PRKCA: variants seen among roughly 807,000 people sequenced by gnomAD.
PRKCA encodes protein kinase C alpha.
A neutral mutation model predicts 87.0 loss-of-function variants in PRKCA; 27 were observed. The observed-to-expected ratio is 0.31, with a 90% CI of 0.23 to 0.43. PRKCA has a LOEUF of 0.43. Ranked by LOEUF, PRKCA falls within the 20% of genes least tolerant of loss-of-function variation. The pLI, the probability that PRKCA is intolerant of heterozygous loss-of-function variation, is 1.00. For missense variants in PRKCA, 518 were observed against 852.3 expected (o/e 0.61, Z 4.88); for synonymous variants, 329 against 311.1 (o/e 1.06, Z -0.61).
intron 2 of PRKCA, among the ~76,000 whole-genome samples, chr17:66,335,506 C>A (rs1906605827): frequency 6.6e-6 from 1 of 151,236 alleles, no homozygotes; most frequent in South Asian, 2.1e-4. Flanking sequence ...ATGATGATTG[C>A]AGAATGGTGT....
At chr17:66,765,454 A>ATATATATATCTATATATATC (rs1218360664) in intron 13 of PRKCA, among the ~76,000 whole-genome samples, 13 of 130,068 alleles carry the variant, frequency 1.0e-4, no homozygotes, top group African/African-American at 3.5e-4. Context: ...ATATATATAT[A>ATATATATATCTATATATATC]TCCATATATA....
chr17:66,574,922 C>T (rs1455691961), intron 3 of PRKCA, among the ~76,000 whole-genome samples: 1 of 152,154 alleles, frequency 6.6e-6, no homozygotes, highest in African/African-American at 2.4e-5. Context: ...TGAATGGGGT[C>T]TCTCCCTCTC....
intron 2 of PRKCA, among the ~76,000 whole-genome samples, chr17:66,348,703 A>G (rs1230343155): frequency 6.6e-6 from 1 of 152,198 alleles, no homozygotes; most frequent in African/African-American, 2.4e-5. Context: ...TTGTGTTAAG[A>G]TGGGTTTGCA....
chr17:66,545,747 A>G (rs774303456), intron 3 of PRKCA, among the ~76,000 whole-genome samples: 8 of 152,246 alleles, frequency 5.3e-5, no homozygotes, highest in Non-Finnish European at 1.2e-4. Flanking sequence ...AAATCTGATC[A>G]TTATAGAAAT....
intron 13 of PRKCA, among the ~76,000 whole-genome samples, chr17:66,752,116 A>G (rs1974444769): frequency 6.6e-6 from 1 of 152,190 alleles, no homozygotes; most frequent in Middle Eastern, 3.2e-3. Flanking sequence ...TTGGGGTGAC[A>G]TCTGTATAAT....
chr17:66,612,311 A>T (rs919409171), intron 3 of PRKCA, among the ~76,000 whole-genome samples: 7 of 142,474 alleles, frequency 4.9e-5, no homozygotes, highest in Non-Finnish European at 1.1e-4. Flanking sequence ...AACCCAGGAG[A>T]TGGAGGTTGC....
At chr17:66,584,738 C>G (rs1969542038) in intron 3 of PRKCA, among the ~76,000 whole-genome samples, 1 of 152,152 alleles carries the variant, frequency 6.6e-6, no homozygotes. Flanking sequence ...GCCTTCTTCC[C>G]TTTGGCTCTG....
rs199690763 is a variant in PRKCA, at chr17:66,343,980, G to GA, written c.205+37863dup. Among the ~76,000 whole-genome samples the GA allele has an allele frequency of 1.3e-4, 20 of 149,278 alleles. No homozygotes were observed. The South Asian group carries it at 1.9e-3, about 14-fold the overall frequency. On this transcript the variant is annotated intron_variant, in intron 2 of 16. Coordinates refer to ENST00000413366, the MANE Select transcript of PRKCA (RefSeq NM_002737.3). The stretch of plus-strand genomic sequence containing the variant: ...GGCCCCATCCCTCCCTAACTTAGAG[G>GA]AAAAAAAAAATTGTCAGCAGCATTT...
At chr17:66,626,941 G>A (rs1257183946) in intron 3 of PRKCA, among the ~76,000 whole-genome samples, 1 of 152,134 alleles carries the variant, frequency 6.6e-6, no homozygotes. Flanking sequence ...CCACAGAAAT[G>A]CACTTAAATG....
intron 2 of PRKCA, among the ~76,000 whole-genome samples, chr17:66,409,792 G>A (rs761758797): frequency 1.3e-5 from 2 of 152,174 alleles, no homozygotes; most frequent in Non-Finnish European, 2.9e-5. Flanking sequence ...TTAGCCAGAC[G>A]TGGTGGCAGG....
At chr17:66,682,716 T>C (rs531279353) in intron 5 of PRKCA, among the ~76,000 whole-genome samples, 9 of 152,252 alleles carry the variant, frequency 5.9e-5, no homozygotes, top group Non-Finnish European at 1.3e-4. Flanking sequence ...TTTGTTGTTG[T>C]TGTTGTTGTT....
At chr17:66,520,491 C>A (rs1967126905) in intron 3 of PRKCA, among the ~76,000 whole-genome samples, 1 of 152,018 alleles carries the variant, frequency 6.6e-6, no homozygotes, top group South Asian at 2.1e-4. Context: ...TCTCAAAACT[C>A]CTGGCCTCAA....
At chr17:66,639,437 G>C (rs953393533) in intron 3 of PRKCA, 1 of 152,134 alleles carries the variant, frequency 6.6e-6, no homozygotes. Context: ...GCCCAGGCTG[G>C]CGTGCAGTGG....
chr17:66,497,269 G>A (rs1047817386), intron 3 of PRKCA, among the ~76,000 whole-genome samples: 5 of 152,164 alleles, frequency 3.3e-5, no homozygotes, highest in African/African-American at 9.6e-5. Context: ...AGGCTGAGGC[G>A]GGCGGATCAC....
intron 2 of PRKCA, among the ~76,000 whole-genome samples, chr17:66,327,585 C>T (rs765983799): frequency 2.6e-5 from 4 of 152,054 alleles, no homozygotes; most frequent in African/African-American, 4.8e-5. Flanking sequence ...CTCCCGTAAC[C>T]GCCAGCTATC....
intron 5 of PRKCA, among the ~76,000 whole-genome samples, chr17:66,664,647 G>GTTTTTTTTTTTTTTTTTTTTTTTTT (rs398031366): frequency 1.5e-5 from 1 of 67,812 alleles, no homozygotes; most frequent in South Asian, 5.8e-4. Flanking sequence ...TTTTGCTTTG[G>GTTTTTTTTTTTTTTTTTTTTTTTTT]TTTTTTTTTT....
intron 3 of PRKCA, among the ~76,000 whole-genome samples, chr17:66,562,667 G>A (rs1968753189): frequency 1.3e-5 from 2 of 151,996 alleles, no homozygotes; most frequent in Admixed American, 1.3e-4. Flanking sequence ...CACTATCTTG[G>A]CTCACTGCAA....
At chr17:66,549,159 T>C (rs1032758353) in intron 3 of PRKCA, among the ~76,000 whole-genome samples, 1 of 146,950 alleles carries the variant, frequency 6.8e-6, no homozygotes. Flanking sequence ...TTTTTTTTTT[T>C]ACAATAACCA....
At chr17:66,585,326 T>C (rs1209280304) in intron 3 of PRKCA, among the ~76,000 whole-genome samples, 1 of 152,142 alleles carries the variant, frequency 6.6e-6, no homozygotes, top group Non-Finnish European at 1.5e-5. Context: ...CCATTTCCTA[T>C]CCGCAGAGCT....
Sources: allele counts gnomAD v4.1 joint callset (sites outside exome capture counted in the v4.1 genomes callset), GRCh38; gene constraint gnomAD v4.1.1; transcripts MANE v1.5; gene names NCBI Gene and HGNC (gene_info 2026-07-23, HGNC 2026-07-21).